The following BTRC variants were observed in gnomAD, a reference collection of about 807,000 sequenced individuals.
BTRC encodes beta-transducin repeat containing E3 ubiquitin protein ligase, also known as F-box/WD repeat-containing protein 1A.
A neutral mutation model predicts 85.5 loss-of-function variants in BTRC; 42 were observed. The observed-to-expected ratio is 0.49, with a 90% confidence interval of 0.38 to 0.64. BTRC has a LOEUF of 0.64. Ranked by LOEUF, BTRC falls within the 30% of genes least tolerant of loss-of-function variation. The pLI, the probability that BTRC is intolerant of heterozygous loss-of-function variation, is 0.00. For synonymous variants in BTRC, 255 were observed against 263.3 expected (o/e 0.97, Z 0.30); for missense variants, 594 against 743.5 (o/e 0.80, Z 2.34).
chr10:101,423,414 AAAATT>A (rs1944161855), intron 1 of BTRC, among the ~76,000 whole-genome samples: 1 of 152,204 alleles, frequency 6.6e-6, no homozygotes, highest in South Asian at 2.1e-4. Flanking sequence ...GTGCTACAAT[AAAATT>A]AAAGTCTGTG....
intron 2 of BTRC, among the ~76,000 whole-genome samples, chr10:101,448,190 A>G (rs1000951556): frequency 3.3e-5 from 5 of 152,180 alleles, no homozygotes; most frequent in Admixed American, 1.3e-4. Context: ...CTTAAGAGAA[A>G]TAATTTTGGT....
rs971295630 is a variant in BTRC, at chr10:101,359,428, C to CT, written c.48+5209dup. ...AGTGGTAATTCTTTTTGCCTATTTTCTTTTTTTTTGTCTGAGATACCCTGA... is the reference window on the plus strand; with the variant it reads ...AGTGGTAATTCTTTTTGCCTATTTTCTTTTTTTTTTGTCTGAGATACCCTGA... On this transcript the variant is annotated intron_variant, in intron 1 of 14. Transcript: ENST00000370187. 1.6e-4 allele frequency among the ~76,000 whole-genome samples: 24 copies of CT among 151,080 alleles called. No individual in the cohort carries two copies. In the South Asian group the frequency reaches 2.5e-3, roughly 16 times the overall value.
intron 1 of BTRC, among the ~76,000 whole-genome samples, chr10:101,381,962 C>CTTTTTTTTTTTTTTTTTTTTTTT (rs71016314): frequency 4.1e-5 from 2 of 49,156 alleles, no homozygotes; most frequent in African/African-American, 2.2e-4. Flanking sequence ...CTAAGAATGT[C>CTTTTTTTTTTTTTTTTTTTTTTT]TTTTTTTTTT....
intron 1 of BTRC, among the ~76,000 whole-genome samples, chr10:101,370,772 A>T (rs1215620823): frequency 6.6e-6 from 1 of 151,458 alleles, no homozygotes; most frequent in East Asian, 2.0e-4. Context: ...AGGTTTCTTC[A>T]TGTTGTCCAG....
At chr10:101,546,137 C>T (rs2062554816) in intron 13 of BTRC, among the ~76,000 whole-genome samples, 1 of 152,200 alleles carries the variant, frequency 6.6e-6, no homozygotes, top group Admixed American at 6.5e-5. Context: ...TAATTGACAA[C>T]TATAGAATGC....
intron 2 of BTRC, among the ~76,000 whole-genome samples, chr10:101,430,906 A>AT (rs1009316239): frequency 6.6e-6 from 1 of 152,046 alleles, no homozygotes; most frequent in Non-Finnish European, 1.5e-5. Context: ...CCTGGTAATT[A>AT]TACTACTAAG....
chr10:101,505,676 G>A (rs886822040), intron 4 of BTRC, among the ~76,000 whole-genome samples: 7 of 151,452 alleles, frequency 4.6e-5, no homozygotes, highest in Non-Finnish European at 8.8e-5. Context: ...ACCAAAATGT[G>A]AACATTATGT....
chr10:101,554,178 C>G lies in BTRC; in HGVS notation c.*1055C>G, dbSNP rs892056096. The G allele has an allele frequency of 2.0e-5, 3 of 152,216 alleles. No individual in the cohort carries two copies. Among genetic ancestry groups the G allele is most frequent in the African/African-American group, 7.2e-5 (3 of 41,460 alleles). 9.4% of individuals were successfully genotyped at this position (152,216 alleles called of 1,614,324 possible). On this transcript the variant is annotated 3_prime_UTR_variant, in exon 15 of 15. Transcript: ENST00000370187. ...AGGAGTTGCTGATTGCATTTCCTCT[C>G]ATTAACAATTGGGTGTGTAATAAAA... is the stretch of plus-strand genomic sequence containing the variant.
intron 2 of BTRC, among the ~76,000 whole-genome samples, chr10:101,457,345 G>C (rs568396312): frequency 6.6e-6 from 1 of 152,282 alleles, no homozygotes; most frequent in South Asian, 2.1e-4. Context: ...TGAAGATGTT[G>C]GTGGTGGGAT....
intron 1 of BTRC, among the ~76,000 whole-genome samples, chr10:101,366,860 T>TAATATATATTAA (rs1554862141): frequency 3.9e-5 from 1 of 25,398 alleles, no homozygotes; most frequent in Non-Finnish European, 8.8e-5. Flanking sequence ...TAATATATAT[T>TAATATATATTAA]TATATATTAA....
chr10:101,424,275 CT>C (rs1180597202), intron 1 of BTRC, among the ~76,000 whole-genome samples: 1 of 152,136 alleles, frequency 6.6e-6, no homozygotes, highest in Non-Finnish European at 1.5e-5. Flanking sequence ...TTACCACAAC[CT>C]TGTGCAATAA....
chr10:101,457,427 T>C (rs1945111285), intron 2 of BTRC, among the ~76,000 whole-genome samples: 1 of 152,198 alleles, frequency 6.6e-6, no homozygotes, highest in Admixed American at 6.5e-5. Context: ...GACCAAGGGA[T>C]AATTCACATC....
rs1267241316 is a variant in BTRC at position 101,366,944 on chromosome 10, ATAT to A, written c.48+12718_48+12720del. Among the ~76,000 whole-genome samples, 52 of 52,340 alleles carry A rather than the reference ATAT, an allele frequency of 9.9e-4. 3 individuals are homozygous for A. The highest frequency in any genetic ancestry group is 5.6e-3 in the East Asian group (14 of 2,500). The allele number at this position is 52,340 out of a possible 152,430, so 34.3% of individuals were successfully genotyped here. On this transcript the variant is annotated intron_variant, in intron 1 of 14. Coordinates refer to ENST00000370187, the MANE Select transcript of BTRC (RefSeq NM_033637.4). ...TATATATATTTATATATATTTATAT[ATAT>A]TTATATATATATTTATATAAATATA...
At chr10:101,390,989 A>C (rs1486075490) in intron 1 of BTRC, among the ~76,000 whole-genome samples, 1 of 152,210 alleles carries the variant, frequency 6.6e-6, no homozygotes, top group Non-Finnish European at 1.5e-5. Flanking sequence ...TCTTTATCAA[A>C]TTTAGAAATT....
chr10:101,483,634 A>G (rs1404520369), intron 4 of BTRC, among the ~76,000 whole-genome samples: 1 of 151,950 alleles, frequency 6.6e-6, no homozygotes, highest in Non-Finnish European at 1.5e-5. Flanking sequence ...TTTTATCCCT[A>G]TAACTTAATC....
intron 1 of BTRC, among the ~76,000 whole-genome samples, chr10:101,398,648 A>G (rs1464151293): frequency 6.6e-6 from 1 of 152,180 alleles, no homozygotes; most frequent in Non-Finnish European, 1.5e-5. Context: ...ATAGTTGAAC[A>G]TTATCTGAGT....
At chr10:101,438,736 C>T (rs1944603332) in intron 2 of BTRC, among the ~76,000 whole-genome samples, 1 of 151,970 alleles carries the variant, frequency 6.6e-6, no homozygotes. Flanking sequence ...TATATTTCCC[C>T]TAGATTTTTA....
intron 4 of BTRC, among the ~76,000 whole-genome samples, chr10:101,481,458 T>G (rs994226070): frequency 6.6e-6 from 1 of 152,218 alleles, no homozygotes; most frequent in Non-Finnish European, 1.5e-5. Context: ...TGAGTTTCAC[T>G]GAGAGCTGGC....
At chr10:101,378,551 GTC>G (rs1942849061) in intron 1 of BTRC, among the ~76,000 whole-genome samples, 1 of 125,206 alleles carries the variant, frequency 8.0e-6, no homozygotes, top group African/African-American at 3.0e-5. Flanking sequence ...TTGAGACGAA[GTC>G]TCACTCTGTC....
Sources: gnomAD v4.1 joint callset for allele counts (sites outside exome capture counted in the v4.1 genomes callset) on GRCh38, gnomAD v4.1.1 for gene constraint, MANE v1.5 for transcripts, NCBI Gene and HGNC (gene_info 2026-07-23, HGNC 2026-07-21) for gene names.